The following NRXN3 variants were observed in gnomAD, a reference collection of about 807,000 sequenced individuals.
NRXN3 encodes the protein neurexin III.
A neutral mutation model predicts 137.6 loss-of-function variants in NRXN3; 32 were observed. The observed-to-expected ratio is 0.23, with a 90% CI of 0.18 to 0.31. NRXN3 has a LOEUF of 0.31. Ranked by LOEUF, NRXN3 falls within the 10% of genes least tolerant of loss-of-function variation. NRXN3 has a pLI of 1.00. For synonymous variants in NRXN3, 798 were observed against 784.5 expected (o/e 1.02, Z -0.29); for missense variants, 1,574 against 2,062.5 (o/e 0.76, Z 4.59).
chr14:78,658,692 C>T (rs1186040525), intron 6 of NRXN3, among the ~76,000 whole-genome samples: 1 of 152,142 alleles, frequency 6.6e-6, no homozygotes. Flanking sequence ...ACTGTAGAGA[C>T]CTTCTTGTAA....
At chr14:78,354,906 T>C (rs1039277877) in intron 4 of NRXN3, among the ~76,000 whole-genome samples, 1 of 152,162 alleles carries the variant, frequency 6.6e-6, no homozygotes, top group African/African-American at 2.4e-5. Context: ...GCTGAGGGAA[T>C]CTGTTCTCCA....
rs375740568 is a variant in NRXN3 at position 78,943,676 on chromosome 14, A to C, written c.2276-13566A>C. Among the ~76,000 whole-genome samples the C allele has an allele frequency of 1.4e-3, 151 of 108,068 alleles. 1 individual carries two copies. Among genetic ancestry groups the C allele is most frequent in the African/African-American group, 2.4e-3 (78 of 31,974 alleles). 70.9% of individuals were successfully genotyped at this position (108,068 alleles called of 152,430 possible). A position where few individuals can be genotyped will look rare whatever the true frequency, so the allele number is the denominator to read the frequency against. On this transcript the variant is annotated intron_variant, in intron 10 of 20. Transcript: ENST00000335750. ...TATATATATATATATATATATATAT[A>C]TATCTCAAAGAATCTAGAAAAAGGA...
intron 10 of NRXN3, among the ~76,000 whole-genome samples, chr14:78,956,258 A>G (rs544491683): frequency 5.8e-4 from 89 of 152,298 alleles, no homozygotes; most frequent in African/African-American, 8.2e-4. Flanking sequence ...TTCTGCTTCT[A>G]TGTAATCTTC....
At chr14:78,882,313 T>C (rs1158372568) in intron 10 of NRXN3, among the ~76,000 whole-genome samples, 1 of 151,670 alleles carries the variant, frequency 6.6e-6, no homozygotes, top group Admixed American at 6.6e-5. Flanking sequence ...GCCACTGTCC[T>C]CCAGAACCCA....
intron 15 of NRXN3, among the ~76,000 whole-genome samples, chr14:79,086,149 C>T (rs1174084418): frequency 6.6e-6 from 1 of 152,108 alleles, no homozygotes; most frequent in Non-Finnish European, 1.5e-5. Flanking sequence ...GGTAGGATGA[C>T]ATGAGATAGG....
chr14:79,519,756 A>G (rs1164415823), intron 16 of NRXN3, among the ~76,000 whole-genome samples: 1 of 148,400 alleles, frequency 6.7e-6, no homozygotes. Context: ...GAAAATGTGT[A>G]CAATAGTATT....
chr14:79,549,118 AT>A (rs2097349584), intron 16 of NRXN3, among the ~76,000 whole-genome samples: 1 of 151,946 alleles, frequency 6.6e-6, no homozygotes, highest in African/African-American at 2.4e-5. Context: ...TCCCTCTTTA[AT>A]TTTTGCTAAT....
At chr14:79,744,890 G>A (rs2098974576) in intron 19 of NRXN3, among the ~76,000 whole-genome samples, 1 of 152,130 alleles carries the variant, frequency 6.6e-6, no homozygotes, top group East Asian at 1.9e-4. Context: ...GAGCAGTCCG[G>A]ACATCCTCAA....
At chr14:78,487,096 T>C (rs1177807666) in intron 4 of NRXN3, among the ~76,000 whole-genome samples, 1 of 152,220 alleles carries the variant, frequency 6.6e-6, no homozygotes, top group Non-Finnish European at 1.5e-5. Flanking sequence ...ACCTTCTGAA[T>C]GTACCCAGTA....
At chr14:79,812,142 A>C (rs1174191022) in intron 20 of NRXN3, among the ~76,000 whole-genome samples, 1 of 152,192 alleles carries the variant, frequency 6.6e-6, no homozygotes, top group Non-Finnish European at 1.5e-5. Flanking sequence ...AATGAAAAAA[A>C]TTCTATCCAA....
intron 15 of NRXN3, among the ~76,000 whole-genome samples, chr14:79,442,181 A>G (rs895040874): frequency 1.3e-5 from 2 of 152,332 alleles, no homozygotes; most frequent in South Asian, 2.1e-4. Context: ...AAAAATATGT[A>G]ATACAGAGTA....
Position 78,484,017 on chromosome 14 carries a change from CACACACACACAGAG to C in NRXN3, c.758-161101_758-161088del, listed in dbSNP as rs1203915702. Among the ~76,000 whole-genome samples, 5 of 86,170 alleles carry C rather than the reference CACACACACACAGAG, an allele frequency of 5.8e-5. No individual in the cohort carries two copies. In the South Asian group the frequency reaches 1.2e-3, roughly 20 times the overall value. The allele number at this position is 86,170 out of a possible 152,430, so 56.5% of individuals were successfully genotyped here. On this transcript the variant is annotated intron_variant, in intron 4 of 20. Transcript: ENST00000335750. ...ACACACACACACACACACACACACA[CACACACACACAGAG>C]AGAGAGAGAGAGAGAGAGCAAAAAA...
At chr14:78,966,490 T>C (rs766468933) in intron 12 of NRXN3, 84 bp downstream of exon 12, 3 of 1,380,504 alleles carry the variant, frequency 2.2e-6, no homozygotes, top group Non-Finnish European at 3.0e-6. Flanking sequence ...AAATAACTTG[T>C]CTATTCTACT....
At chr14:79,517,405 A>G (rs1238049234) in intron 16 of NRXN3, among the ~76,000 whole-genome samples, 1 of 151,980 alleles carries the variant, frequency 6.6e-6, no homozygotes, top group African/African-American at 2.4e-5. Flanking sequence ...TTCCTCCCCT[A>G]GTTTTTTGTT....
At chr14:78,357,946 A>C (rs1185356534) in intron 4 of NRXN3, among the ~76,000 whole-genome samples, 2 of 152,180 alleles carry the variant, frequency 1.3e-5, no homozygotes, top group African/African-American at 2.4e-5. Context: ...GTCTTAGAGC[A>C]AGGTATGGTT....
At chr14:78,970,973 T>G (rs1410695966) in intron 14 of NRXN3, among the ~76,000 whole-genome samples, 3 of 152,160 alleles carry the variant, frequency 2.0e-5, no homozygotes, top group Non-Finnish European at 4.4e-5. Flanking sequence ...GGGTGAGTGC[T>G]GAGGGAAGAA....
At chr14:79,331,245 A>G (rs2091641850) in intron 15 of NRXN3, among the ~76,000 whole-genome samples, 1 of 152,220 alleles carries the variant, frequency 6.6e-6, no homozygotes, top group Non-Finnish European at 1.5e-5. Context: ...TTCTCTACAA[A>G]TGTGCATTGA....
intron 16 of NRXN3, among the ~76,000 whole-genome samples, chr14:79,497,261 C>T (rs370313448): frequency 1.2e-4 from 19 of 152,190 alleles, no homozygotes; most frequent in African/African-American, 3.9e-4. Context: ...CTCCTTTGTT[C>T]GTGAACAAAG....
chr14:78,641,765 A>G (rs184406078), intron 4 of NRXN3, among the ~76,000 whole-genome samples: 1 of 152,312 alleles, frequency 6.6e-6, no homozygotes, highest in African/African-American at 2.4e-5. Context: ...TCTGTTAAAT[A>G]TTTGCAAAGG....
Sources: allele counts gnomAD v4.1 joint callset (sites outside exome capture counted in the v4.1 genomes callset), GRCh38; gene constraint gnomAD v4.1.1; transcripts MANE v1.5; gene names NCBI Gene and HGNC (gene_info 2026-07-23, HGNC 2026-07-21).